The following DLG1 variants were observed in gnomAD, a reference collection of about 807,000 sequenced individuals.
DLG1 encodes discs large MAGUK scaffold protein 1.
DLG1 carries 42 observed loss-of-function variants against 123.4 expected under a neutral mutation model. That is an observed-to-expected ratio of 0.34 (90% CI 0.27 to 0.44). DLG1 has a LOEUF of 0.44. DLG1 is among the 20% of genes least tolerant of loss of function. The pLI, the probability that DLG1 is intolerant of heterozygous loss-of-function variation, is 1.00. For missense variants in DLG1, 942 were observed against 1,082.6 expected, an observed-to-expected ratio of 0.87 and a Z score of 1.82; for synonymous variants, 317 against 356.2, an observed-to-expected ratio of 0.89 and a Z score of 1.24.
intron 4 of DLG1, among the ~76,000 whole-genome samples, chr3:197,206,504 T>C (rs573142373): frequency 4.6e-5 from 7 of 152,242 alleles, no homozygotes; most frequent in South Asian, 2.1e-4. Context: ...TTCACCACAT[T>C]GCGCAGGCTG....
intron 19 of DLG1, 124 bp downstream of exon 19, chr3:197,069,095 C>T: frequency 7.6e-6 from 4 of 525,904 alleles, no homozygotes; most frequent in Non-Finnish European, 9.7e-6. Flanking sequence ...CTTGTCTCTC[C>T]CTGATTTTAA....
At position 197,211,524 on chromosome 3, in the gene DLG1, A is replaced by T. The variant is rs191075290; in HGVS notation, c.319-16935T>A. On this transcript the variant is annotated intron_variant, in intron 4 of 24. Transcript: ENST00000667157. The stretch of plus-strand genomic sequence containing the variant: ...TAAATGTGATTCATCACATAAACAG[A>T]ACTAAATAAATGCAAATCAAACACA... Among the ~76,000 whole-genome samples the T allele has an allele frequency of 4.8e-5, 7 of 146,598 alleles. No homozygotes were observed. In the Admixed American group the frequency reaches 4.8e-4, roughly 10 times the overall value.
At chr3:197,085,474 A>G (rs1176885776) in intron 16 of DLG1, 106 bp downstream of exon 16, 3 of 1,147,348 alleles carry the variant, frequency 2.6e-6, no homozygotes, top group Non-Finnish European at 3.8e-6. Flanking sequence ...TTTCAATTAG[A>G]ATAATGCACT....
chr3:197,138,388 G>T lies in DLG1; in HGVS notation c.717C>A (p.Val239=). The change falls in exon 9 of 25, where the codon GTC becomes GTA. Residue 239 remains valine (V), a synonymous_variant. Transcript: ENST00000667157. ...CATTTACTCGTAATATACAGTCATT[G>T]ACCCTGAGAAAACAATTAAATATTA... The part of the protein sequence containing the change: ...GAAAQDGRLR[V]NDCILRVNEV... The T allele has an allele frequency of 7.4e-7, 1 of 1,353,666 alleles. No homozygotes were observed. Among genetic ancestry groups the T allele is most frequent in the South Asian group, 2.4e-5 (1 of 42,248 alleles). The allele number at this position is 1,353,666 out of a possible 1,614,324, so 83.9% of individuals were successfully genotyped here.
chr3:197,241,659 A>T (rs1315581052), intron 4 of DLG1, among the ~76,000 whole-genome samples: 1 of 152,196 alleles, frequency 6.6e-6, no homozygotes, highest in Non-Finnish European at 1.5e-5. Context: ...AGATAAACTG[A>T]GACAATTAAA....
intron 22 of DLG1, among the ~76,000 whole-genome samples, chr3:197,062,668 C>T (rs1204963709): frequency 2.0e-5 from 3 of 152,094 alleles, no homozygotes; most frequent in African/African-American, 4.8e-5. Flanking sequence ...CAGAATCAGC[C>T]ATTTCTCTAA....
chr3:197,130,034 T>C (rs1257184621), intron 11 of DLG1, among the ~76,000 whole-genome samples: 1 of 152,164 alleles, frequency 6.6e-6, no homozygotes, highest in African/African-American at 2.4e-5. Flanking sequence ...GAGAACATGT[T>C]GCTGAAGAAA....
At chr3:197,297,014 T>C (rs1199312925) in intron 2 of DLG1, 172 bp downstream of exon 2, 16 of 699,714 alleles carry the variant, frequency 2.3e-5, no homozygotes, top group Non-Finnish European at 3.3e-5. Context: ...TTAACAAACA[T>C]TTTCGTGTTT....
chr3:197,253,083 A>G (rs1755247825), intron 4 of DLG1, among the ~76,000 whole-genome samples: 1 of 152,208 alleles, frequency 6.6e-6, no homozygotes, highest in Non-Finnish European at 1.5e-5. Flanking sequence ...CATCAAAATT[A>G]AAAGGTTTTG....
At chr3:197,152,085 C>T (rs1794153675) in intron 5 of DLG1, among the ~76,000 whole-genome samples, 1 of 152,124 alleles carries the variant, frequency 6.6e-6, no homozygotes, top group South Asian at 2.1e-4. Flanking sequence ...CTATGATTTG[C>T]AACATATTTT....
At chr3:197,157,395 T>C (rs1056409260) in intron 5 of DLG1, among the ~76,000 whole-genome samples, 1 of 152,056 alleles carries the variant, frequency 6.6e-6, no homozygotes, top group Non-Finnish European at 1.5e-5. Flanking sequence ...CAATCTAAAA[T>C]GGAAATTAAG....
chr3:197,242,369 T>C (rs1749377512), intron 4 of DLG1, among the ~76,000 whole-genome samples: 1 of 151,962 alleles, frequency 6.6e-6, no homozygotes, highest in Admixed American at 6.6e-5. Flanking sequence ...CTCTCAGAAA[T>C]GGACAGATAA....
At chr3:197,096,613 TTTC>T (rs1760804429) in intron 14 of DLG1, among the ~76,000 whole-genome samples, 2 of 152,266 alleles carry the variant, frequency 1.3e-5, no homozygotes, top group African/African-American at 2.4e-5. Context: ...TTTACAAATT[TTTC>T]TTCTTTTTCA....
At chr3:197,113,512 T>C (rs925293834) in intron 13 of DLG1, among the ~76,000 whole-genome samples, 4 of 152,208 alleles carry the variant, frequency 2.6e-5, no homozygotes, top group Non-Finnish European at 5.9e-5. Context: ...ATGAAATCTA[T>C]GTATAATAAC....
chr3:197,130,387 GAGT>G (rs1367587443), intron 11 of DLG1, 137 bp downstream of exon 11: 6 of 717,352 alleles, frequency 8.4e-6, no homozygotes, highest in Middle Eastern at 4.5e-4. Flanking sequence ...TTTAAAAAAT[GAGT>G]AGATTAACAT....
At chr3:197,068,442 G>T in intron 19 of DLG1, 1 of 1,136,588 alleles carries the variant, frequency 8.8e-7, no homozygotes, top group Non-Finnish European at 1.3e-6. Context: ...ATGAATGACG[G>T]TTAAAAGTAT....
At chr3:197,203,222 C>T (rs577518026) in intron 4 of DLG1, among the ~76,000 whole-genome samples, 2 of 152,200 alleles carry the variant, frequency 1.3e-5, no homozygotes, top group Non-Finnish European at 2.9e-5. Flanking sequence ...CATGATCACA[C>T]CACTGCCCTC....
At position 197,090,260 on chromosome 3, in the gene DLG1, A is replaced by G. The variant is rs76205468; in HGVS notation, c.1661+652T>C. Among the ~76,000 whole-genome samples, 622 of 151,916 alleles carry G rather than the reference A, an allele frequency of 4.1e-3. 6 individuals carry two copies. The highest frequency in any genetic ancestry group is 5.4e-3 in the Non-Finnish European group (364 of 67,884). On this transcript the variant is annotated intron_variant, in intron 15 of 24. Coordinates refer to ENST00000667157, the MANE Select transcript of DLG1 (RefSeq NM_001366207.1). ...AAGTTCTACTAAAAGTATACAGAAT[A>G]CAAATACATTCGGATTTCTGTTTTA...
intron 13 of DLG1, among the ~76,000 whole-genome samples, chr3:197,107,879 C>A (rs948104797): frequency 7.4e-5 from 11 of 148,316 alleles, no homozygotes; most frequent in African/African-American, 2.9e-4. Context: ...AGAGCAGATA[C>A]CCTTGTCTTG....
Sources: gnomAD v4.1 joint callset for allele counts (sites outside exome capture counted in the v4.1 genomes callset) on GRCh38, gnomAD v4.1.1 for gene constraint, MANE v1.5 for transcripts, NCBI Gene and HGNC (gene_info 2026-07-23, HGNC 2026-07-21) for gene names.